SMYD3: variants seen among roughly 807,000 people sequenced by gnomAD.
SMYD3 encodes SET and MYND domain containing 3, also known as histone-lysine N-methyltransferase SMYD3.
Under a neutral mutation model 57.7 loss-of-function variants are expected in SMYD3, and 36 were observed. That is an observed-to-expected ratio of 0.62 (90% CI 0.48 to 0.82). The LOEUF is 0.82. Ranked by LOEUF, SMYD3 falls within the 40% of genes least tolerant of loss-of-function variation. The probability of loss-of-function intolerance (pLI) is 0.00; values close to 1 mark genes in which losing one functional copy is unlikely to be tolerated. For synonymous variants in SMYD3, 211 were observed against 195.0 expected (o/e 1.08, Z -0.68); for missense variants, 515 against 538.8 (o/e 0.96, Z 0.44).
At chr1:245,989,121 GA>G (rs1281113940) in intron 5 of SMYD3, among the ~76,000 whole-genome samples, 1 of 152,212 alleles carries the variant, frequency 6.6e-6, no homozygotes, top group Non-Finnish European at 1.5e-5. Flanking sequence ...ATGATTCCAT[GA>G]CTTCTTAGAC....
chr1:246,078,060 C>T (rs1183477949), intron 5 of SMYD3, among the ~76,000 whole-genome samples: 1 of 151,964 alleles, frequency 6.6e-6, no homozygotes, highest in Non-Finnish European at 1.5e-5. Context: ...CAGATACACA[C>T]ATACACTTTT....
At chr1:245,787,175 A>T (rs2047077451) in intron 10 of SMYD3, among the ~76,000 whole-genome samples, 1 of 152,044 alleles carries the variant, frequency 6.6e-6, no homozygotes, top group Non-Finnish European at 1.5e-5. Context: ...ATATTTCAGT[A>T]TTTTTTTACA....
intron 10 of SMYD3, among the ~76,000 whole-genome samples, chr1:245,782,752 A>T (rs1029477666): frequency 6.6e-6 from 1 of 152,232 alleles, no homozygotes; most frequent in African/African-American, 2.4e-5. Flanking sequence ...ATTTAAATAT[A>T]AAAAAATTAA....
chr1:246,229,875 G>A (rs1221399316), intron 5 of SMYD3, among the ~76,000 whole-genome samples: 1 of 150,162 alleles, frequency 6.7e-6, no homozygotes, highest in Non-Finnish European at 1.5e-5. Flanking sequence ...AGCGTTTTGA[G>A]GTATTCAGAA....
intron 5 of SMYD3, among the ~76,000 whole-genome samples, chr1:246,226,855 G>A (rs1287639051): frequency 1.3e-5 from 2 of 152,156 alleles, no homozygotes; most frequent in Non-Finnish European, 2.9e-5. Flanking sequence ...AACCAAAAGT[G>A]TTTAATAATC....
intron 5 of SMYD3, among the ~76,000 whole-genome samples, chr1:246,234,005 C>T (rs2063470205): frequency 7.0e-6 from 1 of 142,372 alleles, no homozygotes; most frequent in Non-Finnish European, 1.5e-5. Context: ...GAACATATAC[C>T]ACACAGAGGA....
chr1:246,062,097 C>A (rs1348478742), intron 5 of SMYD3, among the ~76,000 whole-genome samples: 1 of 152,128 alleles, frequency 6.6e-6, no homozygotes, highest in Non-Finnish European at 1.5e-5. Flanking sequence ...ACAAACGAAT[C>A]CCACAGGTTA....
intron 8 of SMYD3, among the ~76,000 whole-genome samples, chr1:245,888,228 A>G (rs889579711): frequency 6.6e-6 from 1 of 152,224 alleles, no homozygotes; most frequent in African/African-American, 2.4e-5. Flanking sequence ...TAAATATACT[A>G]AATTATTCAG....
In SMYD3 at chr1:246,159,858, T is replaced by A. The variant is rs751519420; in HGVS notation, c.531+167343A>T. On this transcript the variant is annotated intron_variant, in intron 5 of 11. Transcript: ENST00000490107. ...TTTTCTCCACACCACCTCCCAGATGTGGTCTTGCTATGCTGCCCAGGCTGG... is the reference window on the plus strand; with the variant it reads ...TTTTCTCCACACCACCTCCCAGATGAGGTCTTGCTATGCTGCCCAGGCTGG... 1.2e-3 allele frequency among the ~76,000 whole-genome samples: 183 copies of A among 152,116 alleles called. 2 individuals carry two copies. Among genetic ancestry groups the A allele is most frequent in the Non-Finnish European group, 6.0e-4 (41 of 67,968 alleles).
chr1:246,148,829 G>A (rs971231903), intron 5 of SMYD3, among the ~76,000 whole-genome samples: 1 of 152,178 alleles, frequency 6.6e-6, no homozygotes, highest in Admixed American at 6.5e-5. Context: ...TAATAAGCAA[G>A]AAGACAATGC....
At chr1:246,110,638 G>A (rs558979540) in intron 5 of SMYD3, among the ~76,000 whole-genome samples, 19 of 152,314 alleles carry the variant, frequency 1.2e-4, no homozygotes, top group African/African-American at 4.3e-4. Context: ...CTTTCTTTGG[G>A]TGCAAGCACG....
chr1:246,450,883 T>C (rs1299183191), intron 1 of SMYD3, among the ~76,000 whole-genome samples: 1 of 152,248 alleles, frequency 6.6e-6, no homozygotes, highest in African/African-American at 2.4e-5. Flanking sequence ...AAGTGAACTA[T>C]ATTTATAAGC....
chr1:246,144,088 G>A (rs1046615987), intron 5 of SMYD3, among the ~76,000 whole-genome samples: 5 of 152,118 alleles, frequency 3.3e-5, no homozygotes, highest in African/African-American at 9.7e-5. Flanking sequence ...ACTGCAGCCC[G>A]GCAAGGCTCT....
intron 5 of SMYD3, among the ~76,000 whole-genome samples, chr1:246,001,577 C>T (rs2059044838): frequency 1.3e-5 from 2 of 152,218 alleles, no homozygotes; most frequent in South Asian, 4.2e-4. Flanking sequence ...ATCATGTGGT[C>T]GCTGGCTCTG....
At position 246,115,077 on chromosome 1, in the gene SMYD3, G is replaced by C. The variant is rs529954931; in HGVS notation, c.532-185140C>G. Among the ~76,000 whole-genome samples the C allele has an allele frequency of 2.2e-4, 33 of 152,296 alleles. No individual in the cohort carries two copies. In the East Asian group the frequency reaches 6.4e-3, roughly 29 times the overall value. On this transcript the variant is annotated intron_variant, in intron 5 of 11. Coordinates refer to ENST00000490107, the MANE Select transcript of SMYD3 (RefSeq NM_001167740.2). ...GGTGACAAAGTTGAGAGTATAGGGA[G>C]ACCAAAAAAGGCTAGAGTTTACAGG...
intron 5 of SMYD3, among the ~76,000 whole-genome samples, chr1:246,076,692 A>G (rs1271780066): frequency 6.7e-6 from 1 of 150,254 alleles, no homozygotes; most frequent in Non-Finnish European, 1.5e-5. Flanking sequence ...TTTTTTCTAG[A>G]TTAATTCAAT....
chr1:245,990,034 C>T (rs1279104991), intron 5 of SMYD3, among the ~76,000 whole-genome samples: 5 of 152,080 alleles, frequency 3.3e-5, no homozygotes, highest in East Asian at 1.9e-4. Context: ...GTTTCTTCTA[C>T]GTTTGTTGTA....
chr1:245,787,656 T>A (rs2148168780), intron 10 of SMYD3, among the ~76,000 whole-genome samples: 1 of 151,712 alleles, frequency 6.6e-6, no homozygotes, highest in Non-Finnish European at 1.5e-5. Flanking sequence ...CCTTATTAGA[T>A]GAAATTACAG....
chr1:246,443,933 C>G (rs1025780723), intron 1 of SMYD3, among the ~76,000 whole-genome samples: 1 of 151,398 alleles, frequency 6.6e-6, no homozygotes, highest in Non-Finnish European at 1.5e-5. Flanking sequence ...AATAAAAGTG[C>G]TAATCTGCCT....
Sources: allele counts gnomAD v4.1 joint callset (sites outside exome capture counted in the v4.1 genomes callset), GRCh38; gene constraint gnomAD v4.1.1; transcripts MANE v1.5; gene names NCBI Gene and HGNC (gene_info 2026-07-23, HGNC 2026-07-21).